The following GTPBP4 variants were observed in gnomAD, a reference collection of about 807,000 sequenced individuals.
GTPBP4 encodes GTP-binding protein 4.
GTPBP4 carries 15 observed loss-of-function variants against 81.7 expected under a neutral mutation model. The ratio of observed to expected loss-of-function variants is 0.18; its 90% CI spans 0.12 to 0.28. The LOEUF (loss-of-function observed/expected upper bound fraction) is 0.28. Ranked by LOEUF, GTPBP4 falls within the 10% of genes least tolerant of loss-of-function variation. GTPBP4 has a pLI of 1.00. For synonymous variants in GTPBP4, 272 were observed against 274.6 expected (o/e 0.99, Z 0.09); for missense variants, 847 against 793.8 (o/e 1.07, Z -0.81).
chr10:1,005,836 C>A lies in GTPBP4; in HGVS notation c.931C>A (p.Gln311Lys). 1 of 1,591,730 alleles carries A rather than the reference C, an allele frequency of 6.3e-7. No individual in the cohort carries two copies. The highest frequency in any genetic ancestry group is 1.1e-5 in the South Asian group (1 of 90,424). The change falls in exon 9 of 17, where the codon CAG (glutamine) becomes AAG (lysine). Residue 311 changes from glutamine to lysine, a missense_variant. Transcript: ENST00000360803. ...EDDQKIFTDLQSEGFPVIETS... is the reference protein window; with the variant it reads ...EDDQKIFTDLKSEGFPVIETS... ...TTCCCAGAAAATATTTACAGATTTG[C>A]AGTCTGAAGGATTCCCTGTAATAGA...
In GTPBP4 at chr10:1,018,091, A is replaced by C. The variant is rs1411426018; in HGVS notation, c.*864A>C. 1 of 152,248 alleles carries C rather than the reference A, an allele frequency of 6.6e-6. No homozygotes were observed. 9.4% of individuals were successfully genotyped at this position (152,248 alleles called of 1,614,324 possible). A position where few individuals can be genotyped will look rare whatever the true frequency, so the allele number is the denominator to read the frequency against. On this transcript the variant is annotated 3_prime_UTR_variant, in exon 17 of 17. Transcript: ENST00000360803. ...ACATTATAGCTGAGGAAAGGACTTTAGTTAATCACACTTCTGGATTACATG... is the reference window on the plus strand; with the variant it reads ...ACATTATAGCTGAGGAAAGGACTTTCGTTAATCACACTTCTGGATTACATG...
intron 10 of GTPBP4, chr10:1,007,410 C>A: frequency 3.5e-6 from 1 of 285,216 alleles, no homozygotes; most frequent in Non-Finnish European, 6.7e-6. Flanking sequence ...GTTCTTTAAA[C>A]ACAGATGGAA....
intron 2 of GTPBP4, 149 bp from the exon 3 acceptor site, chr10:995,780 A>T (rs145919880): frequency 1.7e-6 from 1 of 595,618 alleles, no homozygotes; most frequent in Non-Finnish European, 3.0e-6. Context: ...TTCTCAGAGG[A>T]CTAAATAGAC....
intron 8 of GTPBP4, among the ~76,000 whole-genome samples, chr10:1,001,915 TTTTTA>T (rs1159364547): frequency 6.9e-6 from 1 of 144,374 alleles, no homozygotes; most frequent in Non-Finnish European, 1.5e-5. Flanking sequence ...TGCACTTTTT[TTTTTA>T]TTTTATTTTT....
chr10:991,701 T>C (rs1564464820), intron 1 of GTPBP4, among the ~76,000 whole-genome samples: 1 of 140,896 alleles, frequency 7.1e-6, no homozygotes, highest in Non-Finnish European at 1.5e-5. Flanking sequence ...TTTTTTTTTT[T>C]TTTTTTTTTT....
intron 2 of GTPBP4, among the ~76,000 whole-genome samples, chr10:993,412 A>C (rs766260031): frequency 6.6e-6 from 1 of 151,976 alleles, no homozygotes; most frequent in Non-Finnish European, 1.5e-5. Flanking sequence ...AACCACGCCT[A>C]ATTTTTGTAT....
intron 2 of GTPBP4, among the ~76,000 whole-genome samples, chr10:993,096 T>C (rs868345068): frequency 6.6e-6 from 1 of 152,138 alleles, no homozygotes; most frequent in Non-Finnish European, 1.5e-5. Flanking sequence ...TCCACCACTG[T>C]TTGTGATCTT....
intron 2 of GTPBP4, 21 bp downstream of exon 2, chr10:992,680 C>G (rs1018983383): frequency 6.6e-7 from 1 of 1,512,674 alleles, no homozygotes; most frequent in African/African-American, 1.4e-5. Flanking sequence ...TAGGGGACTT[C>G]TGTGGTTATG....
intron 13 of GTPBP4, among the ~76,000 whole-genome samples, chr10:1,011,500 A>G (rs1831872055): frequency 8.7e-6 from 1 of 114,964 alleles, no homozygotes; most frequent in Non-Finnish European, 1.9e-5. Flanking sequence ...CATGCTTTTT[A>G]TACAATACTT....
rs114750622 is a variant in GTPBP4, at chr10:1,016,759, A to G, written c.1753-316A>G. On this transcript the variant is annotated intron_variant, in intron 16 of 16. Transcript: ENST00000360803. Reference sequence around the variant, plus strand: ...AAAAATACTCATTGAGTTCCTGCAGATAACTGTGCTGGGCTTAAGAGAAAA... The same window carrying G: ...AAAAATACTCATTGAGTTCCTGCAGGTAACTGTGCTGGGCTTAAGAGAAAA... 3.9e-3 allele frequency among the ~76,000 whole-genome samples: 594 copies of G among 152,358 alleles called. 3 individuals are homozygous for G. The highest frequency in any genetic ancestry group is 0.014 in the African/African-American group (568 of 41,572).
At chr10:1,015,929 G>A (rs1280495069) in intron 16 of GTPBP4, 33 bp downstream of exon 16, 1 of 1,563,764 alleles carries the variant, frequency 6.4e-7, no homozygotes, top group Non-Finnish European at 8.7e-7. Flanking sequence ...GTAATAAAAT[G>A]ACAGTCTCTG....
Position 1,007,122 on chromosome 10 carries a change from C to A in GTPBP4, c.1107C>A (p.Asp369Glu). 4 of 1,566,448 alleles carry A rather than the reference C, an allele frequency of 2.6e-6. No homozygotes were observed. The highest frequency in any genetic ancestry group is 3.5e-6 in the Non-Finnish European group (4 of 1,136,444). ...ACCTGGCTATCCCAACCAGGAGGGA[C>A]GATAAGGTAAGACGGCCCCTGGGAC... ...RLHLAIPTRR[D>E]DKERPPFIPE... is the part of the protein sequence containing the mutation. The change falls in exon 10 of 17, where the codon GAC becomes GAA. Residue 369 changes from aspartate to glutamate, a missense_variant. Transcript: ENST00000360803.
chr10:996,160 C>T lies in GTPBP4; in HGVS notation c.378C>T (p.Cys126=). The change falls in exon 4 of 17, where the codon TGC becomes TGT. Residue 126 remains cysteine (C), a synonymous_variant. Transcript: ENST00000360803. ...LMKYGDSLYR[C]KQLKRAALGR... is the part of the protein sequence containing the mutation. ...AGTATGGCGACTCTCTCTACCGCTG[C>T]AAACAGCTGAAGCGTGCGGCCCTGG... 6.2e-7 allele frequency: 1 copy of T among 1,613,026 alleles called. No individual in the cohort carries two copies.
intron 12 of GTPBP4, 64 bp from the exon 13 acceptor site, chr10:1,010,356 C>T (rs926265409): frequency 8.0e-5 from 65 of 811,440 alleles, no homozygotes; most frequent in African/African-American, 2.8e-4. Flanking sequence ...ACTCATTTTG[C>T]GCACGTAGTA....
At chr10:1,011,006 C>A (rs955627709) in intron 13 of GTPBP4, among the ~76,000 whole-genome samples, 5 of 140,172 alleles carry the variant, frequency 3.6e-5, no homozygotes, top group Non-Finnish European at 6.3e-5. Context: ...ACCTTCCCCC[C>A]CACCCTGTGT....
chr10:999,479 T>C (rs1258893032), intron 6 of GTPBP4, among the ~76,000 whole-genome samples: 1 of 152,224 alleles, frequency 6.6e-6, no homozygotes, highest in African/African-American at 2.4e-5. Flanking sequence ...TTGAAATTTC[T>C]CCATCATCAT....
intron 14 of GTPBP4, 88 bp from the exon 15 acceptor site, chr10:1,014,159 A>T: frequency 1.3e-6 from 1 of 760,104 alleles, no homozygotes. Flanking sequence ...ATTGTTGCAA[A>T]ATATGTATAC....
At chr10:1,004,922 C>G (rs1414725172) in intron 8 of GTPBP4, among the ~76,000 whole-genome samples, 7 of 152,204 alleles carry the variant, frequency 4.6e-5, no homozygotes, top group African/African-American at 1.7e-4. Context: ...GCCCCATGGG[C>G]CCAACAGACA....
intron 2 of GTPBP4, among the ~76,000 whole-genome samples, chr10:993,739 CAGAG>C (rs1165960157): frequency 1.3e-5 from 2 of 152,002 alleles, no homozygotes; most frequent in East Asian, 3.8e-4. Flanking sequence ...CAGGTGTAGG[CAGAG>C]AGAAATGTTT....
Sources: gnomAD v4.1 joint callset for allele counts (sites outside exome capture counted in the v4.1 genomes callset) on GRCh38, gnomAD v4.1.1 for gene constraint, MANE v1.5 for transcripts, NCBI Gene and HGNC (gene_info 2026-07-23, HGNC 2026-07-21) for gene names.